TULP1: variants seen among roughly 807,000 people sequenced by gnomAD.
The protein encoded by TULP1 is TUB like protein 1, also known as tubby-related protein 1.
Under a neutral mutation model 67.1 loss-of-function variants are expected in TULP1, and 50 were observed. That is an observed-to-expected ratio of 0.75 (90% CI 0.59 to 0.94). The LOEUF (loss-of-function observed/expected upper bound fraction) is 0.94, where lower values mean the gene tolerates loss of function less well. Ranked by LOEUF, TULP1 falls within the 40% of genes least tolerant of loss-of-function variation. The probability of loss-of-function intolerance (pLI) is 0.00; values close to 1 mark genes in which losing one functional copy is unlikely to be tolerated. For missense variants in TULP1, 746 were observed against 734.1 expected (o/e 1.02, Z -0.19); for synonymous variants, 297 against 294.0 (o/e 1.01, Z -0.11).
At chr6:35,511,513 A>G in intron 4 of TULP1, 135 bp downstream of exon 4, 2 of 1,387,842 alleles carry the variant, frequency 1.4e-6, no homozygotes, top group African/African-American at 2.9e-5. Flanking sequence ...TACCTGGCTC[A>G]AAGATAAGGC....
chr6:35,509,471 G>A (rs999395798), intron 7 of TULP1, among the ~76,000 whole-genome samples, 159 bp from the exon 8 acceptor site: 1 of 152,058 alleles, frequency 6.6e-6, no homozygotes, highest in African/African-American at 2.4e-5. Context: ...GCCTGAGACC[G>A]CATAGCTATC....
intron 3 of TULP1, 40 bp from the exon 4 acceptor site, chr6:35,511,846 G>C: frequency 1.3e-6 from 2 of 1,489,786 alleles, no homozygotes; most frequent in Non-Finnish European, 1.8e-6. Flanking sequence ...TCCCATCCGC[G>C]GGTCCGCGAG....
At chr6:35,508,843 G>A (rs895315207) in intron 8 of TULP1, among the ~76,000 whole-genome samples, 2 of 152,122 alleles carry the variant, frequency 1.3e-5, no homozygotes, top group Non-Finnish European at 2.9e-5. Flanking sequence ...AACAACCGGT[G>A]CAGCTGACTG....
intron 8 of TULP1, among the ~76,000 whole-genome samples, chr6:35,507,497 T>G (rs141232253): frequency 6.6e-6 from 1 of 152,204 alleles, no homozygotes; most frequent in Non-Finnish European, 1.5e-5. Context: ...ATTTGTTACA[T>G]AGCAATGCAT....
At position 35,503,719 on chromosome 6, in the gene TULP1, G is replaced by A. The variant is rs963193356; in HGVS notation, c.1224+18C>T. On this transcript the variant is annotated intron_variant, in intron 12 of 14. Coordinates refer to ENST00000229771, the MANE Select transcript of TULP1 (RefSeq NM_003322.6). This position sits in a 1 kb window ranked among gnomAD's most constrained non-coding sequence, Gnocchi z 4.0. The stretch of plus-strand genomic sequence containing the variant: ...GTAAGGGGAGCAGCCTGGCATGGGG[G>A]ACAGGTGGAGTCCTCACATAGATCA... 3 of 1,609,238 alleles carry A rather than the reference G, an allele frequency of 1.9e-6. No homozygotes were observed. The highest frequency in any genetic ancestry group is 2.7e-5 in the African/African-American group (2 of 74,908).
Position 35,498,168 on chromosome 6 carries a change from G to T in TULP1, c.*159C>A. On this transcript the variant is annotated 3_prime_UTR_variant, in exon 15 of 15. Coordinates refer to ENST00000229771, the MANE Select transcript of TULP1 (RefSeq NM_003322.6). The surrounding 1 kb of genome is among the most constrained non-coding windows in gnomAD (Gnocchi z 6.7). ...GCTCCTCCTGCCTCGGCCTGTGCCA[G>T]GCTGGGGAGAGGACGGAGGTCACCG... 8.0e-7 allele frequency: 1 copy of T among 1,250,306 alleles called. No individual in the cohort carries two copies. Among genetic ancestry groups the T allele is most frequent in the Non-Finnish European group, 1.1e-6 (1 of 912,634 alleles). The allele number at this position is 1,250,306 out of a possible 1,614,324, so 77.5% of individuals were successfully genotyped here.
Position 35,505,997 on chromosome 6 carries a change from A to G in TULP1, c.999+6T>C, listed in dbSNP as rs754885076. 6.8e-6 allele frequency: 11 copies of G among 1,613,816 alleles called. No homozygotes were observed. The African/African-American group carries it at 1.2e-4, about 18-fold the overall frequency. Reference sequence around the variant, plus strand: ...ACTCCCTCCTCTGCTGCCTCTCCCCACCCACCTTCTTCTCCGTGTCCAGGT... The same window carrying G: ...ACTCCCTCCTCTGCTGCCTCTCCCCGCCCACCTTCTTCTCCGTGTCCAGGT... On this transcript the variant is annotated splice_donor_region_variant and intron_variant, in intron 10 of 14. Coordinates refer to ENST00000229771, the MANE Select transcript of TULP1 (RefSeq NM_003322.6).
Position 35,510,946 on chromosome 6 carries a change from T to A in TULP1, c.414A>T (p.Lys138Asn). The change falls in exon 5 of 15, where the codon AAA (lysine) becomes AAT (asparagine). Residue 138 changes from lysine (K) to asparagine (N), a missense_variant. By Grantham distance (94) the Lys-to-Asn change is moderately conservative. Coordinates refer to ENST00000229771, the MANE Select transcript of TULP1 (RefSeq NM_003322.6). The part of the protein sequence containing the change: ...EEEEAEEKKE[K>N]ILLPPKKPLR... ...GGGGCTTCTTGGGAGGCAGAAGGAT[T>A]TTCTCTTTCTTTTCCTCTGCCTCCT... The A allele has an allele frequency of 1.2e-6, 2 of 1,612,954 alleles. No individual in the cohort carries two copies. Among genetic ancestry groups the A allele is most frequent in the Non-Finnish European group, 1.7e-6 (2 of 1,179,926 alleles).
chr6:35,512,222 C>CG lies in TULP1; in HGVS notation c.147dup (p.Glu50ArgfsTer124). On this transcript the variant is annotated frameshift_variant, in exon 3 of 15. Transcript: ENST00000229771. LOFTEE classifies it high-confidence loss of function. ...TTGGATCCCGTGGGGCAGGGGGATTCGGGGGCCTCCGTCCTCTTCTTCCTT... is the reference window on the plus strand; with the variant it reads ...TTGGATCCCGTGGGGCAGGGGGATTCGGGGGGCCTCCGTCCTCTTCTTCCTT... 7.3e-7 allele frequency: 1 copy of CG among 1,368,668 alleles called. No homozygotes were observed. Among genetic ancestry groups the CG allele is most frequent in the Non-Finnish European group, 9.4e-7 (1 of 1,060,396 alleles). 84.8% of individuals were successfully genotyped at this position (1,368,668 alleles called of 1,614,324 possible).
In TULP1 at chr6:35,503,507, G is replaced by A. The variant is rs555019243; in HGVS notation, c.1323+52C>T. 8.3e-5 allele frequency: 127 copies of A among 1,525,086 alleles called. No individual in the cohort carries two copies. In the East Asian group the frequency reaches 1.7e-3, roughly 20 times the overall value. The allele number at this position is 1,525,086 out of a possible 1,614,324, so 94.5% of individuals were successfully genotyped here. A position where few individuals can be genotyped will look rare whatever the true frequency, so the allele number is the denominator to read the frequency against. ...TTGGCTATTTCCTAAGCTGAGCCCC[G>A]ACTCCTGTTTCTCACATAGGGAGCC... On this transcript the variant is annotated intron_variant, in intron 13 of 14. Transcript: ENST00000229771. This position sits in a 1 kb window ranked among gnomAD's most constrained non-coding sequence, Gnocchi z 4.0.
chr6:35,512,251 C>T lies in TULP1; in HGVS notation c.119G>A (p.Arg40Lys). ...GGCCTCCGTCCTCTTCTTCCTTAGC[C>T]TCTGTGCCGGGGCGGGTCGCTGCGG... ...RPKQRPAPAQ[R>K]LRKKRTEAPE... is the part of the protein sequence containing the mutation. The change falls in exon 3 of 15, where the codon AGG becomes AAG. Residue 40 changes from arginine (R) to lysine (K), a missense_variant. Around this residue, in one of 3 missense-constraint regions of TULP1, gnomAD observed 359 missense variants for 341.9 expected, o/e 1.05. Coordinates refer to ENST00000229771, the MANE Select transcript of TULP1 (RefSeq NM_003322.6). 1 of 1,403,858 alleles carries T rather than the reference C, an allele frequency of 7.1e-7. No homozygotes were observed. The highest frequency in any genetic ancestry group is 1.9e-5 in the South Asian group (1 of 53,666). 87.0% of individuals were successfully genotyped at this position (1,403,858 alleles called of 1,614,324 possible).
intron 13 of TULP1, among the ~76,000 whole-genome samples, chr6:35,502,924 G>T (rs576215145): frequency 1.4e-3 from 212 of 151,642 alleles, no homozygotes; most frequent in African/African-American, 5.0e-3. Flanking sequence ...CAGAGCTTTG[G>T]TTTTTTTGTT....
chr6:35,503,463 G>A lies in TULP1; in HGVS notation c.1323+96C>T, dbSNP rs1023510069. The stretch of plus-strand genomic sequence containing the variant: ...CCAGAATGAATTTGTGTTGGAGGGT[G>A]ATGGATGTGCTCAGGGAGTTGGCTA... On this transcript the variant is annotated intron_variant, in intron 13 of 14. Coordinates refer to ENST00000229771, the MANE Select transcript of TULP1 (RefSeq NM_003322.6). The surrounding 1 kb of genome is among the most constrained non-coding windows in gnomAD (Gnocchi z 4.0). 10 of 1,235,244 alleles carry A rather than the reference G, an allele frequency of 8.1e-6. No homozygotes were observed. The highest frequency in any genetic ancestry group is 1.8e-4 in the Middle Eastern group (1 of 5,420). The allele number at this position is 1,235,244 out of a possible 1,614,324, so 76.5% of individuals were successfully genotyped here. A position where few individuals can be genotyped will look rare whatever the true frequency, so the allele number is the denominator to read the frequency against.
intron 13 of TULP1, among the ~76,000 whole-genome samples, chr6:35,502,710 G>C (rs1760993361): frequency 6.6e-6 from 1 of 151,934 alleles, no homozygotes; most frequent in African/African-American, 2.4e-5. Flanking sequence ...TGTTGGCCAG[G>C]CTGGTCTCGA....
chr6:35,508,872 C>A (rs1277875314), intron 8 of TULP1, among the ~76,000 whole-genome samples: 2 of 152,148 alleles, frequency 1.3e-5, no homozygotes, highest in African/African-American at 4.8e-5. Context: ...TACTCATCTG[C>A]CTCTCTGCCT....
At chr6:35,502,964 G>A (rs998214784) in intron 13 of TULP1, among the ~76,000 whole-genome samples, 2 of 151,916 alleles carry the variant, frequency 1.3e-5, no homozygotes, top group African/African-American at 4.8e-5. Flanking sequence ...ATGAGATGGA[G>A]TCTTGCTCTG....
At position 35,509,255 on chromosome 6, in the gene TULP1, A is replaced by G. The variant is rs2064317; in HGVS notation, c.776T>C (p.Ile259Thr). The G allele has an allele frequency of 0.38, 616,435 of 1,612,918 alleles. 119,560 individuals carry two copies. The highest frequency in any genetic ancestry group is 0.44 in the East Asian group (19,784 of 44,802). The change falls in exon 8 of 15, where the codon ATA (isoleucine) becomes ACA (threonine). Residue 259 changes from isoleucine to threonine, a missense_variant. By Grantham distance (89) the Ile-to-Thr change is moderately conservative (BLOSUM62 -1). Coordinates refer to ENST00000229771, the MANE Select transcript of TULP1 (RefSeq NM_003322.6). ...TTTGCCCTTTTGATTGCTCTTCTTT[A>G]TCACCGTAGCTGCCTCCTCCTCCTC... ...EEEEEEAATV[I>T]KKSNQKGKAK...
intron 5 of TULP1, 181 bp downstream of exon 5, chr6:35,510,680 T>G: frequency 3.6e-5 from 48 of 1,349,058 alleles, no homozygotes; most frequent in East Asian, 1.3e-4. Flanking sequence ...GGTGGAGGCA[T>G]ATATTGGTCT....
intron 8 of TULP1, among the ~76,000 whole-genome samples, chr6:35,507,998 A>G (rs28491254): frequency 1.3e-5 from 2 of 152,166 alleles, no homozygotes; most frequent in Non-Finnish European, 2.9e-5. Flanking sequence ...TATTTTTAGT[A>G]GAGATGGGGT....
Sources: gnomAD v4.1 joint callset for allele counts (sites outside exome capture counted in the v4.1 genomes callset) on GRCh38, gnomAD v4.1.1 for gene constraint, gnomAD v4.1.1 regional missense constraint, Gnocchi (gnomAD v3.1) non-coding constraint, MANE v1.5 for transcripts, NCBI Gene and HGNC (gene_info 2026-07-23, HGNC 2026-07-21) for gene names.